The following TMEM132D variants were observed in gnomAD, a reference collection of about 807,000 sequenced individuals.
TMEM132D encodes the protein transmembrane protein 132D, also known as mature OL transmembrane protein.
In TMEM132D, 21 loss-of-function variants were observed where a neutral mutation model predicts 62.3. The observed-to-expected ratio is 0.34, with a 90% CI of 0.24 to 0.49. TMEM132D has a LOEUF of 0.49. Among genes scored for constraint, TMEM132D ranks in the 20% least tolerant of loss-of-function variants. The probability of loss-of-function intolerance (pLI) is 0.99; values close to 1 mark genes in which losing one functional copy is unlikely to be tolerated. For missense variants in TMEM132D, 1,346 were observed against 1,402.8 expected (o/e 0.96, Z 0.65); for synonymous variants, 621 against 575.6 (o/e 1.08, Z -1.13).
chr12:129,629,716 G>A (rs1399578243), intron 2 of TMEM132D, among the ~76,000 whole-genome samples: 2 of 151,548 alleles, frequency 1.3e-5, no homozygotes, highest in Non-Finnish European at 2.9e-5. Flanking sequence ...AAAATCCCCC[G>A]GACAGCCAAT....
intron 3 of TMEM132D, among the ~76,000 whole-genome samples, chr12:129,476,311 T>C (rs1874254135): frequency 6.6e-6 from 1 of 152,200 alleles, no homozygotes; most frequent in African/African-American, 2.4e-5. Flanking sequence ...TGAGAAGTAT[T>C]GCTGTCAGGG....
intron 4 of TMEM132D, among the ~76,000 whole-genome samples, chr12:129,227,244 T>C (rs1469443770): frequency 2.9e-5 from 3 of 102,340 alleles, no homozygotes; most frequent in Middle Eastern, 5.5e-3. Flanking sequence ...CAAGTGATAA[T>C]AACAATAACT....
intron 5 of TMEM132D, among the ~76,000 whole-genome samples, chr12:129,159,758 CAAAA>C (rs1188064357): frequency 3.7e-5 from 1 of 27,390 alleles, no homozygotes; most frequent in Non-Finnish European, 8.8e-5. Context: ...GACTCGGGCT[CAAAA>C]AAAAAAAAAA....
At chr12:129,742,348 G>C (rs925983384) in intron 1 of TMEM132D, among the ~76,000 whole-genome samples, 1 of 152,140 alleles carries the variant, frequency 6.6e-6, no homozygotes, top group Non-Finnish European at 1.5e-5. Context: ...GGTGAAGAGG[G>C]AGCCAACATG....
chr12:129,440,472 G>A (rs1045915250), intron 3 of TMEM132D, among the ~76,000 whole-genome samples: 117 of 152,282 alleles, frequency 7.7e-4, no homozygotes, highest in African/African-American at 2.7e-3. Context: ...ATGATCATGT[G>A]GCGCGTGGAG....
At chr12:129,276,721 T>C (rs1881017183) in intron 4 of TMEM132D, among the ~76,000 whole-genome samples, 1 of 152,202 alleles carries the variant, frequency 6.6e-6, no homozygotes, top group Admixed American at 6.5e-5. Flanking sequence ...TGTTTATTAT[T>C]TAAAAAGTAC....
chr12:129,869,182 G>A (rs560906621), intron 1 of TMEM132D, among the ~76,000 whole-genome samples: 1 of 151,952 alleles, frequency 6.6e-6, no homozygotes, highest in East Asian at 1.9e-4. Flanking sequence ...CATTCCTGGT[G>A]CGTAAATATC....
Position 129,131,482 on chromosome 12 carries a change from C to G in TMEM132D, c.1444-46780G>C, listed in dbSNP as rs547913701. The stretch of plus-strand genomic sequence containing the variant: ...GTTAGCTGAGCATGGTGGTGCATGC[C>G]TGTAATCCCAGCTACATAGGAGGCT... On this transcript the variant is annotated intron_variant, in intron 5 of 8. Coordinates refer to ENST00000422113, the MANE Select transcript of TMEM132D (RefSeq NM_133448.3). Among the ~76,000 whole-genome samples, 190 of 152,148 alleles carry G rather than the reference C, an allele frequency of 1.2e-3. 1 individual carries two copies. Among genetic ancestry groups the G allele is most frequent in the Non-Finnish European group, 2.2e-3 (150 of 68,040 alleles).
At chr12:129,125,831 T>C (rs990330426) in intron 5 of TMEM132D, among the ~76,000 whole-genome samples, 1 of 152,178 alleles carries the variant, frequency 6.6e-6, no homozygotes, top group African/African-American at 2.4e-5. Flanking sequence ...GCACCAGTCA[T>C]GCGGAGCCTG....
Position 129,268,576 on chromosome 12 carries a change from C to T in TMEM132D, c.1300-58913G>A, listed in dbSNP as rs993477157. Among the ~76,000 whole-genome samples, 3 of 152,198 alleles carry T rather than the reference C, an allele frequency of 2.0e-5. No individual in the cohort carries two copies. The South Asian group carries it at 6.2e-4, about 32-fold the overall frequency. ...ATGTGGAGAAATAGGAACACTGTTACACTGTTGGTGGGAGTGTAAACTAGT... is the reference window on the plus strand; with the variant it reads ...ATGTGGAGAAATAGGAACACTGTTATACTGTTGGTGGGAGTGTAAACTAGT... On this transcript the variant is annotated intron_variant, in intron 4 of 8. Transcript: ENST00000422113.
intron 3 of TMEM132D, among the ~76,000 whole-genome samples, chr12:129,445,391 T>C (rs767096941): frequency 5.3e-5 from 8 of 151,966 alleles, no homozygotes; most frequent in Admixed American, 1.3e-4. Context: ...CTGAATAATC[T>C]CCACAACAAA....
intron 1 of TMEM132D, among the ~76,000 whole-genome samples, chr12:129,731,875 G>A (rs934693811): frequency 2.0e-5 from 3 of 152,134 alleles, no homozygotes; most frequent in African/African-American, 7.2e-5. Flanking sequence ...TGTGAGCCAG[G>A]ATGGTCTCGA....
chr12:129,107,321 C>T (rs111744255), intron 5 of TMEM132D, among the ~76,000 whole-genome samples: 12 of 152,116 alleles, frequency 7.9e-5, no homozygotes, highest in African/African-American at 1.9e-4. Context: ...GATAATGTCA[C>T]GTACATACAA....
intron 4 of TMEM132D, 140 bp from the exon 5 acceptor site, chr12:129,209,803 AC>A: frequency 1.7e-6 from 2 of 1,175,188 alleles, no homozygotes; most frequent in Non-Finnish European, 2.4e-6. Flanking sequence ...GGCAGTCCGC[AC>A]CAGCTGGCTG....
At chr12:129,309,289 C>T (rs1881916048) in intron 4 of TMEM132D, among the ~76,000 whole-genome samples, 1 of 152,044 alleles carries the variant, frequency 6.6e-6, no homozygotes, top group African/African-American at 2.4e-5. Context: ...TTGTTGGTGG[C>T]ATCTTTGTTG....
chr12:129,513,215 T>C (rs918900462), intron 3 of TMEM132D, among the ~76,000 whole-genome samples: 3 of 152,100 alleles, frequency 2.0e-5, no homozygotes, highest in Admixed American at 1.3e-4. Context: ...GGAGCATACA[T>C]GTGTGAAGAG....
chr12:129,221,713 T>C (rs894974825), intron 4 of TMEM132D, among the ~76,000 whole-genome samples: 1 of 152,146 alleles, frequency 6.6e-6, no homozygotes, highest in Non-Finnish European at 1.5e-5. Context: ...CCAACAAAGA[T>C]CAGTAACCTA....
chr12:129,392,326 G>A (rs113543809), intron 3 of TMEM132D, among the ~76,000 whole-genome samples: 12,857 of 152,174 alleles, frequency 0.084, 682 homozygotes, highest in African/African-American at 0.14. Context: ...CCAAAGTGCT[G>A]GGATTACAGG....
intron 5 of TMEM132D, among the ~76,000 whole-genome samples, chr12:129,178,345 G>A (rs918982417): frequency 2.0e-5 from 3 of 152,004 alleles, no homozygotes; most frequent in South Asian, 2.1e-4. Context: ...AGGAATCACC[G>A]CACTGTCTTC....
Sources: gnomAD v4.1 joint callset for allele counts (sites outside exome capture counted in the v4.1 genomes callset) on GRCh38, gnomAD v4.1.1 for gene constraint, MANE v1.5 for transcripts, NCBI Gene and HGNC (gene_info 2026-07-23, HGNC 2026-07-21) for gene names.